The following MAP4K5 variants were observed in gnomAD, a reference collection of about 807,000 sequenced individuals.
The protein encoded by MAP4K5 is mitogen-activated protein kinase kinase kinase kinase 5.
In MAP4K5, 82 loss-of-function variants were observed where a neutral mutation model predicts 135.6. The observed-to-expected ratio is 0.60, with a 90% CI of 0.51 to 0.73. The LOEUF is 0.73. Among genes scored for constraint, MAP4K5 ranks in the 30% least tolerant of loss-of-function variants. The pLI is 0.00. For missense variants in MAP4K5, 907 were observed against 1,010.9 expected (o/e 0.90, Z 1.39); for synonymous variants, 347 against 335.0 (o/e 1.04, Z -0.39).
rs576257674 is a variant in MAP4K5 at position 50,513,166 on chromosome 14, T to C, written c.109-8309A>G. Among the ~76,000 whole-genome samples, 14 of 152,290 alleles carry C rather than the reference T, an allele frequency of 9.2e-5. No homozygotes were observed. In the Middle Eastern group the frequency reaches 0.01, roughly 111 times the overall value. On this transcript the variant is annotated intron_variant, in intron 2 of 32. Coordinates refer to ENST00000682126, the MANE Select transcript of MAP4K5 (RefSeq NM_006575.6). The stretch of plus-strand genomic sequence containing the variant: ...ATCAATATCACTATAAAATCCACAA[T>C]AGAATCATTCCAATTAAATTAATTT...
chr14:50,503,249 G>C (rs2037744099), intron 3 of MAP4K5, among the ~76,000 whole-genome samples: 1 of 151,890 alleles, frequency 6.6e-6, no homozygotes, highest in South Asian at 2.1e-4. Flanking sequence ...ATAAGAATAG[G>C]CAACCAAAAA....
At chr14:50,517,445 C>A (rs1398384992) in intron 2 of MAP4K5, among the ~76,000 whole-genome samples, 1 of 151,916 alleles carries the variant, frequency 6.6e-6, no homozygotes, top group East Asian at 2.0e-4. Flanking sequence ...AGCCACCGCG[C>A]CCAGCCTACA....
intron 3 of MAP4K5, among the ~76,000 whole-genome samples, chr14:50,487,477 T>C (rs374694435): frequency 2.6e-4 from 40 of 152,302 alleles, no homozygotes; most frequent in East Asian, 2.1e-3. Flanking sequence ...GGAAGCCAAA[T>C]GAGGGTACAA....
At chr14:50,518,563 C>A (rs1434830417) in intron 2 of MAP4K5, among the ~76,000 whole-genome samples, 1 of 152,176 alleles carries the variant, frequency 6.6e-6, no homozygotes, top group Admixed American at 6.5e-5. Context: ...CAGGTCTGGA[C>A]AGGTGCTTCC....
In MAP4K5 at chr14:50,469,090, C is replaced by T. The variant is rs559461830; in HGVS notation, c.543-308G>A. 7.2e-5 allele frequency among the ~76,000 whole-genome samples: 11 copies of T among 152,176 alleles called. No homozygotes were observed. In the South Asian group the frequency reaches 2.1e-3, roughly 29 times the overall value. On this transcript the variant is annotated intron_variant, in intron 9 of 32. Transcript: ENST00000682126. ...GCAAAAAGAAAAAGAATACCTAAAT[C>T]CCTGTGAAGGTCAAAGAAAAGTTCC...
chr14:50,504,816 G>T lies in MAP4K5; in HGVS notation c.150C>A (p.Ile50=), dbSNP rs535632379. Reference sequence around the variant, plus strand: ...AACACATACCAGGCTCCAATTTAATGATTTTTACTGCAGCCAGCTCTCCTG... The same window carrying T: ...AACACATACCAGGCTCCAATTTAATTATTTTTACTGCAGCCAGCTCTCCTG... The part of the protein sequence containing the change: ...VHTGELAAVK[I]IKLEPGDDFS... Residue 50 remains isoleucine, a synonymous_variant, in exon 3 of 33, where the codon ATC becomes ATA. Coordinates refer to ENST00000682126, the MANE Select transcript of MAP4K5 (RefSeq NM_006575.6). 5.1e-6 allele frequency: 8 copies of T among 1,557,260 alleles called. No individual in the cohort carries two copies. In the South Asian group the frequency reaches 7.2e-5, roughly 14 times the overall value.
chr14:50,502,685 A>C (rs539590349), intron 3 of MAP4K5, among the ~76,000 whole-genome samples: 1 of 152,156 alleles, frequency 6.6e-6, no homozygotes, highest in Non-Finnish European at 1.5e-5. Context: ...ATAATACGCA[A>C]CAAAAGTTTT....
At chr14:50,433,291 G>A (rs2036015390) in intron 28 of MAP4K5, among the ~76,000 whole-genome samples, 1 of 152,228 alleles carries the variant, frequency 6.6e-6, no homozygotes, top group Non-Finnish European at 1.5e-5. Flanking sequence ...GGAGGTAGAA[G>A]GGTACATAAT....
intron 1 of MAP4K5, among the ~76,000 whole-genome samples, chr14:50,543,093 T>TG (rs1172898907): frequency 6.6e-6 from 1 of 152,216 alleles, no homozygotes; most frequent in Non-Finnish European, 1.5e-5. Context: ...TACAAGAAGA[T>TG]CTGTTCTCCA....
At chr14:50,447,305 A>T in intron 16 of MAP4K5, 109 bp downstream of exon 16, 1 of 655,412 alleles carries the variant, frequency 1.5e-6, no homozygotes, top group Non-Finnish European at 2.5e-6. Flanking sequence ...CATTAATGGC[A>T]TAACTTTTTC....
intron 14 of MAP4K5, among the ~76,000 whole-genome samples, chr14:50,455,452 C>CA (rs912070993): frequency 6.6e-6 from 1 of 151,992 alleles, no homozygotes; most frequent in Non-Finnish European, 1.5e-5. Flanking sequence ...TGGAGGCCCA[C>CA]AGACTTCACC....
intron 11 of MAP4K5, among the ~76,000 whole-genome samples, chr14:50,464,956 A>C (rs1242208235): frequency 6.6e-6 from 1 of 152,212 alleles, no homozygotes; most frequent in East Asian, 1.9e-4. Context: ...ACAGTCATTC[A>C]TTCCTGAATG....
At chr14:50,536,060 A>T (rs2038487714), upstream of MAP4K5, among the ~76,000 whole-genome samples, 2 of 152,262 alleles carry the variant, frequency 1.3e-5, no homozygotes, top group African/African-American at 4.8e-5. Flanking sequence ...CTTCGCAGCC[A>T]CATGGAACTG....
intron 3 of MAP4K5, among the ~76,000 whole-genome samples, chr14:50,501,332 G>A (rs1455080310): frequency 6.6e-6 from 1 of 151,800 alleles, no homozygotes; most frequent in Non-Finnish European, 1.5e-5. Context: ...TATTATTCAA[G>A]GTCTTACAAG....
At chr14:50,429,649 G>T (rs1298454251) in intron 28 of MAP4K5, among the ~76,000 whole-genome samples, 2 of 152,176 alleles carry the variant, frequency 1.3e-5, no homozygotes, top group Admixed American at 6.5e-5. Flanking sequence ...TGAATTGGGT[G>T]AATCACAGCA....
intron 8 of MAP4K5, among the ~76,000 whole-genome samples, chr14:50,475,442 A>G (rs917384525): frequency 6.6e-6 from 1 of 151,816 alleles, no homozygotes; most frequent in Non-Finnish European, 1.5e-5. Flanking sequence ...AAAGCACAAA[A>G]AATAAAACAC....
intron 17 of MAP4K5, 26 bp downstream of exon 17, chr14:50,446,053 G>A: frequency 6.9e-7 from 1 of 1,457,878 alleles, no homozygotes; most frequent in East Asian, 2.5e-5. Context: ...TAAGGATTTA[G>A]TGTTCAAAAT....
rs768302812 is a variant in MAP4K5 at position 50,446,064 on chromosome 14, C to T, written c.1185+15G>A. The T allele has an allele frequency of 6.6e-7, 1 of 1,514,068 alleles. No individual in the cohort carries two copies. Among genetic ancestry groups the T allele is most frequent in the Non-Finnish European group, 8.9e-7 (1 of 1,128,746 alleles). The allele number at this position is 1,514,068 out of a possible 1,614,324, so 93.8% of individuals were successfully genotyped here. ...TAAATAAGGATTTAGTGTTCAAAAT[C>T]ATTAAGTAGCTCACCTTAGGAGGTA... On this transcript the variant is annotated intron_variant, in intron 17 of 32. Coordinates refer to ENST00000682126, the MANE Select transcript of MAP4K5 (RefSeq NM_006575.6).
intron 26 of MAP4K5, among the ~76,000 whole-genome samples, chr14:50,436,759 C>T (rs934313886): frequency 6.6e-6 from 1 of 152,044 alleles, no homozygotes; most frequent in Non-Finnish European, 1.5e-5. Context: ...TGCCACATAC[C>T]AATGCTGGAA....
Sources: allele counts gnomAD v4.1 joint callset (sites outside exome capture counted in the v4.1 genomes callset), GRCh38; gene constraint gnomAD v4.1.1; transcripts MANE v1.5; gene names NCBI Gene and HGNC (gene_info 2026-07-23, HGNC 2026-07-21).